The following ASTN2 variants were observed in gnomAD, a reference collection of about 807,000 sequenced individuals.
ASTN2 encodes the protein astrotactin 2.
A neutral mutation model predicts 139.8 loss-of-function variants in ASTN2; 54 were observed. The observed-to-expected ratio is 0.39, with a 90% confidence interval of 0.31 to 0.48. The LOEUF (loss-of-function observed/expected upper bound fraction) is 0.48, where lower values mean the gene tolerates loss of function less well. Among genes scored for constraint, ASTN2 ranks in the 20% least tolerant of loss-of-function variants. The pLI is 0.95. For missense variants in ASTN2, 1,565 were observed against 1,725.1 expected (o/e 0.91, Z 1.64); for synonymous variants, 756 against 719.5 (o/e 1.05, Z -0.81).
At chr9:117,147,351 G>A (rs897627836) in intron 3 of ASTN2, among the ~76,000 whole-genome samples, 19 of 152,082 alleles carry the variant, frequency 1.2e-4, no homozygotes, top group Middle Eastern at 6.8e-3. Flanking sequence ...GCAGAGAATC[G>A]CTTGAACCTG....
intron 10 of ASTN2, among the ~76,000 whole-genome samples, chr9:116,907,855 T>C (rs991662828): frequency 6.6e-6 from 1 of 152,122 alleles, no homozygotes; most frequent in African/African-American, 2.4e-5. Context: ...GGGCCTCAAA[T>C]TCCCCCTAGT....
At chr9:117,087,190 TTTTTC>T (rs1828586984) in intron 5 of ASTN2, among the ~76,000 whole-genome samples, 1 of 151,838 alleles carries the variant, frequency 6.6e-6, no homozygotes, top group Admixed American at 6.6e-5. Flanking sequence ...GTTTATTGTT[TTTTTC>T]TTTTCCTTTT....
intron 13 of ASTN2, among the ~76,000 whole-genome samples, chr9:116,786,570 C>A (rs1830384711): frequency 6.6e-6 from 1 of 151,978 alleles, no homozygotes; most frequent in African/African-American, 2.4e-5. Flanking sequence ...TCACTACTAC[C>A]TAAATACTGG....
chr9:117,331,597 G>A (rs1211401424), intron 1 of ASTN2, among the ~76,000 whole-genome samples: 1 of 152,176 alleles, frequency 6.6e-6, no homozygotes, highest in Non-Finnish European at 1.5e-5. Flanking sequence ...GCTGGATAAA[G>A]AATTGATAAA....
chr9:117,000,788 T>C (rs943811529), intron 7 of ASTN2, among the ~76,000 whole-genome samples: 2 of 152,208 alleles, frequency 1.3e-5, no homozygotes, highest in African/African-American at 4.8e-5. Context: ...GTTTAATGAT[T>C]GTCTTTCTGA....
intron 17 of ASTN2, 63 bp from the exon 18 acceptor site, chr9:116,620,506 G>A (rs999679964): frequency 7.5e-6 from 12 of 1,600,630 alleles, no homozygotes; most frequent in South Asian, 1.1e-5. Flanking sequence ...GAGAGTAAAT[G>A]TGCTGATGGC....
At chr9:116,980,672 T>A (rs887088025) in intron 7 of ASTN2, among the ~76,000 whole-genome samples, 1 of 152,190 alleles carries the variant, frequency 6.6e-6, no homozygotes, top group African/African-American at 2.4e-5. Context: ...TAGTTTCAGC[T>A]GCAATCATTC....
At chr9:116,912,701 G>C (rs951780687) in intron 10 of ASTN2, among the ~76,000 whole-genome samples, 11 of 152,118 alleles carry the variant, frequency 7.2e-5, no homozygotes, top group African/African-American at 2.7e-4. Context: ...CTGTGGCAGA[G>C]GTAAGAGATG....
intron 1 of ASTN2, among the ~76,000 whole-genome samples, chr9:117,309,939 C>T (rs967843043): frequency 7.2e-5 from 11 of 152,152 alleles, no homozygotes; most frequent in Admixed American, 6.5e-5. Flanking sequence ...AAGGCCCCCA[C>T]GTTTTCATTT....
At chr9:116,662,639 CTTGTTA>C (rs1858631644) in intron 16 of ASTN2, among the ~76,000 whole-genome samples, 1 of 152,064 alleles carries the variant, frequency 6.6e-6, no homozygotes, top group Non-Finnish European at 1.5e-5. Context: ...CATGCCAGTT[CTTGTTA>C]TTATTACTAT....
chr9:116,883,995 G>A (rs891156159), intron 10 of ASTN2, among the ~76,000 whole-genome samples: 4 of 152,282 alleles, frequency 2.6e-5, no homozygotes, highest in East Asian at 1.9e-4. Flanking sequence ...GGCATCTGAA[G>A]GAGACAGTAG....
intron 6 of ASTN2, among the ~76,000 whole-genome samples, chr9:117,031,512 A>G (rs941609604): frequency 1.3e-5 from 2 of 152,186 alleles, no homozygotes; most frequent in Non-Finnish European, 2.9e-5. Context: ...CATAATGTGC[A>G]AAACAAATGT....
chr9:117,259,795 T>C (rs184728245), intron 2 of ASTN2, among the ~76,000 whole-genome samples: 17 of 152,254 alleles, frequency 1.1e-4, no homozygotes, highest in East Asian at 9.7e-4. Flanking sequence ...ACACCTGTTG[T>C]TAGGAACCCC....
At chr9:117,395,841 A>G (rs539979167) in intron 1 of ASTN2, among the ~76,000 whole-genome samples, 2 of 152,334 alleles carry the variant, frequency 1.3e-5, no homozygotes, top group South Asian at 4.1e-4. Context: ...AGATGGAAAA[A>G]ATATTTGTTA....
At chr9:116,775,600 GGAGGGAAAGA>G (rs1808890147) in intron 13 of ASTN2, among the ~76,000 whole-genome samples, 1 of 50,034 alleles carries the variant, frequency 2.0e-5, no homozygotes, top group Non-Finnish European at 4.0e-5. Flanking sequence ...AGGGAGGGAG[GGAGGGAAAGA>G]AGGAAGGAAG....
intron 7 of ASTN2, among the ~76,000 whole-genome samples, chr9:117,005,250 A>AC (rs1837321666): frequency 7.0e-6 from 1 of 142,460 alleles, no homozygotes; most frequent in Non-Finnish European, 1.5e-5. Context: ...AAGCCCAGCT[A>AC]TTTTTTTTTT....
intron 3 of ASTN2, among the ~76,000 whole-genome samples, chr9:117,143,563 GA>G (rs1302826556): frequency 1.3e-5 from 2 of 152,048 alleles, no homozygotes; most frequent in Admixed American, 1.3e-4. Context: ...AGAATTTACA[GA>G]AAAAAACATT....
At chr9:117,062,248 T>C (rs1356996722) in intron 5 of ASTN2, among the ~76,000 whole-genome samples, 2 of 152,168 alleles carry the variant, frequency 1.3e-5, no homozygotes, top group East Asian at 1.9e-4. Context: ...CCAAACTACC[T>C]GATCCAGTCA....
intron 16 of ASTN2, among the ~76,000 whole-genome samples, chr9:116,680,348 C>A (rs1051405992): frequency 6.6e-6 from 1 of 152,180 alleles, no homozygotes; most frequent in South Asian, 2.1e-4. Flanking sequence ...TCTGAATAGA[C>A]CAATAACAGG....
Sources: gnomAD v4.1 joint callset for allele counts (sites outside exome capture counted in the v4.1 genomes callset) on GRCh38, gnomAD v4.1.1 for gene constraint, MANE v1.5 for transcripts, NCBI Gene and HGNC (gene_info 2026-07-23, HGNC 2026-07-21) for gene names.